PDSS2: variants seen among roughly 807,000 people sequenced by gnomAD.
The protein encoded by PDSS2 is decaprenyl diphosphate synthase subunit 2, also known as all trans-polyprenyl-diphosphate synthase PDSS2.
Under a neutral mutation model 44.5 loss-of-function variants are expected in PDSS2, and 31 were observed. The observed-to-expected ratio is 0.70, with a 90% CI of 0.52 to 0.94. PDSS2 has a LOEUF of 0.94. PDSS2 is among the 40% of genes least tolerant of loss of function. The probability of loss-of-function intolerance (pLI) is 0.00; values close to 1 mark genes in which losing one functional copy is unlikely to be tolerated. For synonymous variants in PDSS2, 157 were observed against 180.3 expected, an observed-to-expected ratio of 0.87 and a Z score of 1.03; for missense variants, 452 against 482.2, an observed-to-expected ratio of 0.94 and a Z score of 0.59.
At chr6:107,324,137 C>T (rs1276584996) in intron 2 of PDSS2, among the ~76,000 whole-genome samples, 1 of 152,058 alleles carries the variant, frequency 6.6e-6, no homozygotes, top group Non-Finnish European at 1.5e-5. Context: ...GCAAGTTGAA[C>T]ATAACAATAA....
intron 5 of PDSS2, among the ~76,000 whole-genome samples, chr6:107,211,665 GGTTGC>G (rs1450098564): frequency 1.3e-5 from 2 of 151,336 alleles, no homozygotes; most frequent in African/African-American, 4.9e-5. Flanking sequence ...GGGAGGCAGA[GGTTGC>G]GTTGCAGTGA....
intron 1 of PDSS2, among the ~76,000 whole-genome samples, chr6:107,371,799 A>G (rs1232785976): frequency 6.6e-6 from 1 of 152,230 alleles, no homozygotes; most frequent in Non-Finnish European, 1.5e-5. Flanking sequence ...ATAATTTGTC[A>G]AAGGCTGTAA....
chr6:107,234,942 G>A (rs150832719), intron 4 of PDSS2, among the ~76,000 whole-genome samples: 1 of 152,300 alleles, frequency 6.6e-6, no homozygotes, highest in Non-Finnish European at 1.5e-5. Flanking sequence ...TGGAGCAAAA[G>A]AGGTGAGGTT....
At chr6:107,446,243 G>T (rs1312716215) in intron 1 of PDSS2, among the ~76,000 whole-genome samples, 1 of 152,122 alleles carries the variant, frequency 6.6e-6, no homozygotes, top group Non-Finnish European at 1.5e-5. Context: ...TTGAACCCAG[G>T]AGGTGGAGGT....
intron 1 of PDSS2, among the ~76,000 whole-genome samples, chr6:107,454,973 GCTGT>G (rs1343451382): frequency 2.0e-5 from 3 of 151,938 alleles, no homozygotes; most frequent in Admixed American, 2.0e-4. Context: ...TTCTTCATTG[GCTGT>G]CTATGAGTTT....
chr6:107,157,064 A>G (rs1488753471), intron 7 of PDSS2, among the ~76,000 whole-genome samples: 1 of 152,220 alleles, frequency 6.6e-6, no homozygotes, highest in Non-Finnish European at 1.5e-5. Context: ...TGCAAAGACA[A>G]TCTTGCTTAA....
chr6:107,417,381 A>C (rs1368719519), intron 1 of PDSS2, among the ~76,000 whole-genome samples: 1 of 152,228 alleles, frequency 6.6e-6, no homozygotes, highest in Non-Finnish European at 1.5e-5. Context: ...ACTCCTCAAA[A>C]ATGCAATCTG....
At chr6:107,163,630 T>G (rs182330658) in intron 7 of PDSS2, among the ~76,000 whole-genome samples, 108 of 150,842 alleles carry the variant, frequency 7.2e-4, no homozygotes, top group African/African-American at 2.5e-3. Flanking sequence ...TGAGACGGAG[T>G]CTTGCTCTGT....
At chr6:107,325,903 G>C (rs1202971198) in intron 2 of PDSS2, among the ~76,000 whole-genome samples, 1 of 152,086 alleles carries the variant, frequency 6.6e-6, no homozygotes, top group African/African-American at 2.4e-5. Flanking sequence ...TTGTGCAAAT[G>C]TGTTAATCTT....
At chr6:107,321,783 C>A (rs1478938023) in intron 2 of PDSS2, among the ~76,000 whole-genome samples, 1 of 152,184 alleles carries the variant, frequency 6.6e-6, no homozygotes, top group Non-Finnish European at 1.5e-5. Flanking sequence ...ATTCAACCAC[C>A]TCCACTGTAT....
At chr6:107,219,470 T>C (rs1053887429) in intron 4 of PDSS2, among the ~76,000 whole-genome samples, 1 of 152,104 alleles carries the variant, frequency 6.6e-6, no homozygotes, top group Non-Finnish European at 1.5e-5. Flanking sequence ...GTATTTTTAG[T>C]AGAGACGATT....
chr6:107,437,334 G>A (rs1403331260), intron 1 of PDSS2, among the ~76,000 whole-genome samples: 2 of 152,048 alleles, frequency 1.3e-5, no homozygotes, highest in East Asian at 3.9e-4. Flanking sequence ...CCAGCAGCCT[G>A]GCCAACATGG....
At chr6:107,246,395 G>C (rs886138826) in intron 3 of PDSS2, among the ~76,000 whole-genome samples, 5 of 152,122 alleles carry the variant, frequency 3.3e-5, no homozygotes, top group Admixed American at 6.5e-5. Context: ...GTTCAATGTA[G>C]CCATTTCAAA....
At chr6:107,258,641 A>T (rs1775107178) in intron 3 of PDSS2, among the ~76,000 whole-genome samples, 1 of 152,076 alleles carries the variant, frequency 6.6e-6, no homozygotes, top group Non-Finnish European at 1.5e-5. Flanking sequence ...CATCTCTACT[A>T]AAAATACAAA....
At chr6:107,342,877 C>A (rs530180940) in intron 1 of PDSS2, among the ~76,000 whole-genome samples, 77 of 152,282 alleles carry the variant, frequency 5.1e-4, no homozygotes, top group Non-Finnish European at 9.3e-4. Context: ...GCTCAAAATA[C>A]CCCAAAGTAA....
intron 2 of PDSS2, among the ~76,000 whole-genome samples, chr6:107,328,721 C>T (rs912254619): frequency 1.3e-5 from 2 of 152,194 alleles, no homozygotes; most frequent in African/African-American, 4.8e-5. Flanking sequence ...AGTCAAATGA[C>T]TGGGAAACAA....
chr6:107,424,036 C>CATTT (rs1554279679), intron 1 of PDSS2, among the ~76,000 whole-genome samples: 9,136 of 90,292 alleles, frequency 0.1, 735 homozygotes, highest in African/African-American at 0.16. Flanking sequence ...TATCTTGCAT[C>CATTT]TTTTTTTTTT....
At chr6:107,376,196 G>A (rs1395299533) in intron 1 of PDSS2, among the ~76,000 whole-genome samples, 1 of 152,262 alleles carries the variant, frequency 6.6e-6, no homozygotes, top group East Asian at 1.9e-4. Flanking sequence ...CAGGTAGTGT[G>A]ATGCCTCCAG....
chr6:107,228,505 C>A (rs928598592), intron 4 of PDSS2, among the ~76,000 whole-genome samples: 2 of 152,028 alleles, frequency 1.3e-5, no homozygotes, highest in Non-Finnish European at 2.9e-5. Flanking sequence ...ACCAGCCTGG[C>A]CAACGTGGTG....
Sources: gnomAD v4.1 joint callset for allele counts (sites outside exome capture counted in the v4.1 genomes callset) on GRCh38, gnomAD v4.1.1 for gene constraint, MANE v1.5 for transcripts, NCBI Gene and HGNC (gene_info 2026-07-23, HGNC 2026-07-21) for gene names.